The following NRXN1 variants were observed in gnomAD, a reference collection of about 807,000 sequenced individuals.
The protein encoded by NRXN1 is neurexin-1.
Under a neutral mutation model 150.9 loss-of-function variants are expected in NRXN1, and 39 were observed. The observed-to-expected ratio is 0.26, with a 90% CI of 0.20 to 0.34. NRXN1 has a LOEUF of 0.34. NRXN1 is among the 10% of genes least tolerant of loss of function. NRXN1 has a pLI of 1.00. For synonymous variants in NRXN1, 924 were observed against 757.0 expected (o/e 1.22, Z -3.62); for missense variants, 1,815 against 1,949.9 (o/e 0.93, Z 1.30).
chr2:50,675,928 G>A (rs2194391), intron 5 of NRXN1, among the ~76,000 whole-genome samples: 139,017 of 152,148 alleles, frequency 0.91, 63,714 homozygotes, highest in African/African-American at 0.97. Flanking sequence ...TTAAGATCCA[G>A]TCAAAAAGAC....
intron 8 of NRXN1, among the ~76,000 whole-genome samples, chr2:50,583,430 G>A (rs1285717774): frequency 6.6e-6 from 1 of 152,076 alleles, no homozygotes; most frequent in East Asian, 1.9e-4. Context: ...CCTCCTCTGG[G>A]ATTCTTACAG....
At chr2:50,434,361 C>T (rs1266917155) in intron 17 of NRXN1, among the ~76,000 whole-genome samples, 3 of 152,116 alleles carry the variant, frequency 2.0e-5, no homozygotes, top group African/African-American at 4.8e-5. Context: ...GGATTACAGG[C>T]GTGAGCCACC....
At chr2:50,388,888 G>C (rs1452288235) in intron 17 of NRXN1, among the ~76,000 whole-genome samples, 1 of 151,940 alleles carries the variant, frequency 6.6e-6, no homozygotes, top group South Asian at 2.1e-4. Flanking sequence ...TTGTTACTTT[G>C]AGATGTTTAT....
At chr2:50,743,311 T>C (rs550412062) in intron 5 of NRXN1, among the ~76,000 whole-genome samples, 4 of 152,288 alleles carry the variant, frequency 2.6e-5, no homozygotes, top group African/African-American at 9.6e-5. Context: ...ACTGAAATTT[T>C]AAAGTGGGTA....
intron 5 of NRXN1, among the ~76,000 whole-genome samples, chr2:50,854,075 C>G (rs548123068): frequency 1.3e-5 from 2 of 151,960 alleles, no homozygotes; most frequent in Non-Finnish European, 2.9e-5. Flanking sequence ...TGGCAAAAGA[C>G]AAGATTGAGA....
chr2:50,965,548 T>C (rs1414291332), intron 2 of NRXN1, among the ~76,000 whole-genome samples: 1 of 151,626 alleles, frequency 6.6e-6, no homozygotes, highest in African/African-American at 2.4e-5. Flanking sequence ...ACATGTAATT[T>C]AGAATAATTA....
intron 2 of NRXN1, among the ~76,000 whole-genome samples, chr2:51,015,509 G>C (rs1482881611): frequency 6.6e-6 from 1 of 151,928 alleles, no homozygotes; most frequent in African/African-American, 2.4e-5. Flanking sequence ...AGAACCTCTG[G>C]GAACATGAAC....
intron 16 of NRXN1, chr2:50,466,328 C>T (rs774230539): frequency 5.9e-5 from 22 of 371,072 alleles, no homozygotes; most frequent in Non-Finnish European, 9.6e-5. Flanking sequence ...TCTTGCACAA[C>T]GTTCAAGAAA....
chr2:50,138,552 T>C (rs1253090995), intron 18 of NRXN1, among the ~76,000 whole-genome samples: 15 of 152,176 alleles, frequency 9.9e-5, no homozygotes, highest in Admixed American at 7.9e-4. Flanking sequence ...TCTGTGACAA[T>C]AGAATTCAAA....
At chr2:50,920,276 C>A (rs1012474217) in intron 5 of NRXN1, among the ~76,000 whole-genome samples, 1 of 151,592 alleles carries the variant, frequency 6.6e-6, no homozygotes, top group African/African-American at 2.4e-5. Flanking sequence ...GACACACATG[C>A]CAACAGAAAA....
intron 2 of NRXN1, among the ~76,000 whole-genome samples, chr2:51,021,366 G>C (rs1364789501): frequency 6.6e-6 from 1 of 151,890 alleles, no homozygotes; most frequent in Non-Finnish European, 1.5e-5. Flanking sequence ...ATAGAATGTG[G>C]TCAACGACTA....
At chr2:50,882,362 T>C (rs1273147726) in intron 5 of NRXN1, among the ~76,000 whole-genome samples, 1 of 151,950 alleles carries the variant, frequency 6.6e-6, no homozygotes, top group African/African-American at 2.4e-5. Flanking sequence ...ATGAAATTCC[T>C]ACTATTTTTC....
chr2:50,136,512 A>C (rs942075075), intron 18 of NRXN1, among the ~76,000 whole-genome samples: 2 of 152,196 alleles, frequency 1.3e-5, no homozygotes, highest in Non-Finnish European at 2.9e-5. Flanking sequence ...GTAATATCTC[A>C]AACAACACTG....
intron 5 of NRXN1, among the ~76,000 whole-genome samples, chr2:50,730,554 C>T (rs1015223814): frequency 5.9e-5 from 9 of 152,080 alleles, no homozygotes; most frequent in African/African-American, 2.2e-4. Flanking sequence ...TAACCAAAGA[C>T]TCCCTACATC....
intron 17 of NRXN1, among the ~76,000 whole-genome samples, chr2:50,343,462 T>TA (rs1439195240): frequency 0.026 from 3,774 of 147,890 alleles, 124 homozygotes; most frequent in African/African-American, 0.093. Context: ...TCTATTTAAC[T>TA]AGAAAAAAAA....
At chr2:50,493,542 A>G (rs2091385566) in intron 15 of NRXN1, among the ~76,000 whole-genome samples, 1 of 152,160 alleles carries the variant, frequency 6.6e-6, no homozygotes, top group Non-Finnish European at 1.5e-5. Flanking sequence ...TCAATGCTCC[A>G]TAAATACTCA....
At chr2:50,626,543 G>A (rs1347185149) in intron 5 of NRXN1, among the ~76,000 whole-genome samples, 1 of 151,900 alleles carries the variant, frequency 6.6e-6, no homozygotes, top group African/African-American at 2.4e-5. Context: ...AGTCAATAAA[G>A]GTTACTGGGA....
intron 2 of NRXN1, among the ~76,000 whole-genome samples, chr2:51,003,959 G>T (rs554199740): frequency 2.2e-4 from 34 of 151,738 alleles, no homozygotes; most frequent in African/African-American, 6.8e-4. Context: ...GCAGAAAACC[G>T]GTTTTACTAA....
intron 17 of NRXN1, among the ~76,000 whole-genome samples, chr2:50,251,186 CT>C (rs1302865993): frequency 6.6e-6 from 1 of 152,074 alleles, no homozygotes; most frequent in Non-Finnish European, 1.5e-5. Flanking sequence ...CTCTCTCCCC[CT>C]GGCTCCCTGA....
Sources: gnomAD v4.1 joint callset for allele counts (sites outside exome capture counted in the v4.1 genomes callset) on GRCh38, gnomAD v4.1.1 for gene constraint, MANE v1.5 for transcripts, NCBI Gene and HGNC (gene_info 2026-07-23, HGNC 2026-07-21) for gene names.